The following DNAH3 variants were observed in gnomAD, a reference collection of about 807,000 sequenced individuals.
The protein encoded by DNAH3 is dynein axonemal heavy chain 3.
In DNAH3, 332 loss-of-function variants were observed where a neutral mutation model predicts 432.5. The ratio of observed to expected loss-of-function variants is 0.77; its 90% CI spans 0.70 to 0.84. The LOEUF is 0.84. Ranked by LOEUF, DNAH3 falls within the 40% of genes least tolerant of loss-of-function variation. The pLI is 0.00. For synonymous variants in DNAH3, 1,956 were observed against 1,900.2 expected (o/e 1.03, Z -0.76); for missense variants, 4,861 against 5,114.0 (o/e 0.95, Z 1.51).
chr16:20,993,846 G>T (rs1434424265), intron 44 of DNAH3, among the ~76,000 whole-genome samples: 1 of 151,898 alleles, frequency 6.6e-6, no homozygotes, highest in Non-Finnish European at 1.5e-5. Context: ...ACAACACCTG[G>T]CTAATTTATT....
intron 35 of DNAH3, among the ~76,000 whole-genome samples, chr16:21,034,763 A>G (rs1483754541): frequency 6.6e-6 from 1 of 152,236 alleles, no homozygotes; most frequent in African/African-American, 2.4e-5. Flanking sequence ...ATCTAAATGA[A>G]GGTAGTGACA....
At chr16:21,146,906 G>C (rs530254987) in intron 1 of DNAH3, among the ~76,000 whole-genome samples, 1 of 151,758 alleles carries the variant, frequency 6.6e-6, no homozygotes, top group Non-Finnish European at 1.5e-5. Flanking sequence ...GATTACAGGT[G>C]ACTGCCACCA....
intron 10 of DNAH3, among the ~76,000 whole-genome samples, chr16:21,121,667 T>A (rs2092345346): frequency 6.6e-6 from 1 of 150,380 alleles, no homozygotes; most frequent in African/African-American, 2.4e-5. Flanking sequence ...GGTGACGCCA[T>A]CTCAGCTCAC....
At chr16:20,947,028 T>C (rs1054566500) in intron 57 of DNAH3, among the ~76,000 whole-genome samples, 5 of 151,860 alleles carry the variant, frequency 3.3e-5, no homozygotes. Flanking sequence ...TTTCACCACA[T>C]TGGCCAGGCT....
At chr16:20,958,043 A>C (rs1268235561) in intron 54 of DNAH3, among the ~76,000 whole-genome samples, 1 of 151,662 alleles carries the variant, frequency 6.6e-6, no homozygotes, top group Non-Finnish European at 1.5e-5. Context: ...GGCGGGAGGC[A>C]GGACAAATGA....
intron 29 of DNAH3, 65 bp downstream of exon 29, chr16:21,051,604 TC>T: frequency 6.6e-7 from 1 of 1,520,732 alleles, no homozygotes; most frequent in Non-Finnish European, 9.1e-7. Flanking sequence ...CTAACTTTCC[TC>T]CCCAGAGTCT....
chr16:21,080,403 T>C (rs920762441), intron 20 of DNAH3, among the ~76,000 whole-genome samples: 2 of 152,256 alleles, frequency 1.3e-5, no homozygotes, highest in Non-Finnish European at 2.9e-5. Flanking sequence ...ACTCAATATA[T>C]CCAAAATATT....
At chr16:20,997,206 C>G in intron 44 of DNAH3, 77 bp downstream of exon 44, 1 of 1,499,934 alleles carries the variant, frequency 6.7e-7, no homozygotes, top group Non-Finnish European at 9.1e-7. Flanking sequence ...TGTGGCACAC[C>G]AACCCACCTT....
chr16:21,097,990 A>G (rs1210261749), intron 17 of DNAH3, among the ~76,000 whole-genome samples: 2 of 152,218 alleles, frequency 1.3e-5, no homozygotes, highest in Non-Finnish European at 2.9e-5. Flanking sequence ...ACAGGCATTA[A>G]GTGAAATATT....
intron 25 of DNAH3, among the ~76,000 whole-genome samples, chr16:21,061,223 C>T (rs1232543001): frequency 5.1e-5 from 7 of 136,602 alleles, no homozygotes; most frequent in Non-Finnish European, 1.1e-4. Flanking sequence ...TCTAAAGGGG[C>T]GATAGGCCTT....
chr16:21,037,068 G>A (rs565965488), intron 34 of DNAH3, among the ~76,000 whole-genome samples: 1 of 152,262 alleles, frequency 6.6e-6, no homozygotes, highest in East Asian at 1.9e-4. Context: ...CTGCACTTTG[G>A]GTGACCGAGG....
chr16:20,971,338 C>T (rs894638930), intron 51 of DNAH3, among the ~76,000 whole-genome samples: 4 of 152,102 alleles, frequency 2.6e-5, no homozygotes, highest in Admixed American at 6.6e-5. Context: ...ACTGTGCATT[C>T]GGTACCCTAC....
At chr16:21,068,376 G>T (rs558830314) in intron 23 of DNAH3, among the ~76,000 whole-genome samples, 4 of 151,860 alleles carry the variant, frequency 2.6e-5, no homozygotes, top group African/African-American at 9.7e-5. Context: ...GTGCAGTGGC[G>T]CAATCTGGGC....
At chr16:21,146,846 T>A (rs2092790892) in intron 1 of DNAH3, among the ~76,000 whole-genome samples, 1 of 151,884 alleles carries the variant, frequency 6.6e-6, no homozygotes, top group Non-Finnish European at 1.5e-5. Flanking sequence ...ATGCAACCTC[T>A]GCCTCCGGGG....
intron 52 of DNAH3, among the ~76,000 whole-genome samples, chr16:20,969,086 C>CTGTGTGTG (rs56928155): frequency 1.4e-5 from 2 of 146,360 alleles, no homozygotes; most frequent in East Asian, 2.0e-4. Flanking sequence ...TTTTCTTTCT[C>CTGTGTGTG]TGTGTGTGTG....
At chr16:21,003,155 C>T (rs985817022) in exon 42 of DNAH3, 8 of 1,612,834 alleles carry the variant, frequency 5.0e-6, no homozygotes, top group African/African-American at 4.0e-5. Context: ...ACTGTGTCCA[C>T]GTTTCCCAAT....
intron 41 of DNAH3, among the ~76,000 whole-genome samples, chr16:21,012,233 T>A (rs909417378): frequency 6.6e-6 from 1 of 152,086 alleles, no homozygotes; most frequent in Non-Finnish European, 1.5e-5. Flanking sequence ...AAAAAGGAGA[T>A]GATGGTTATG....
At chr16:21,135,874 TAA>T (rs200043852) in intron 6 of DNAH3, among the ~76,000 whole-genome samples, 70 of 128,502 alleles carry the variant, frequency 5.4e-4, no homozygotes, top group Non-Finnish European at 5.3e-4. Flanking sequence ...ACCTTGTCGC[TAA>T]AAAAAAAAAA....
intron 42 of DNAH3, 108 bp from the exon 43 acceptor site, chr16:21,000,626 T>C: frequency 2.9e-6 from 3 of 1,030,154 alleles, no homozygotes; most frequent in Non-Finnish European, 4.2e-6. Flanking sequence ...TTACTATCTT[T>C]ATGACCTTAG....
Sources: gnomAD v4.1 joint callset for allele counts (sites outside exome capture counted in the v4.1 genomes callset) on GRCh38, gnomAD v4.1.1 for gene constraint, MANE v1.5 for transcripts, NCBI Gene and HGNC (gene_info 2026-07-23, HGNC 2026-07-21) for gene names.